Variants in COL27A1 observed in about 807,000 individuals in gnomAD.
The protein encoded by COL27A1 is collagen type XXVII alpha 1 chain, also known as collagen alpha-1(XXVII) chain.
In COL27A1, 106 loss-of-function variants were observed where a neutral mutation model predicts 251.3. The observed-to-expected ratio is 0.42, with a 90% CI of 0.36 to 0.50. COL27A1 has a LOEUF of 0.50. Among genes scored for constraint, COL27A1 ranks in the 20% least tolerant of loss-of-function variants. The pLI, the probability that COL27A1 is intolerant of heterozygous loss-of-function variation, is 0.00. For synonymous variants in COL27A1, 1,000 were observed against 986.3 expected (o/e 1.01, Z -0.26); for missense variants, 2,325 against 2,522.8 (o/e 0.92, Z 1.68).
intron 5 of COL27A1, among the ~76,000 whole-genome samples, chr9:114,189,435 G>A (rs1028334040): frequency 1.3e-5 from 2 of 151,984 alleles, no homozygotes; most frequent in Non-Finnish European, 2.9e-5. Flanking sequence ...TTTATTCTGT[G>A]TATCCTCCTT....
At chr9:114,194,266 C>A (rs1166146612) in intron 5 of COL27A1, 138 bp from the exon 6 acceptor site, 2 of 804,350 alleles carry the variant, frequency 2.5e-6, no homozygotes, top group Non-Finnish European at 4.4e-6. Flanking sequence ...TTGGAGAAGA[C>A]CCTCTGGAGG....
intron 57 of COL27A1, chr9:114,306,220 A>ACGAGTTAGAGG: frequency 3.9e-6 from 1 of 255,708 alleles, no homozygotes; most frequent in Non-Finnish European, 7.5e-6. Context: ...GCCGCTGCCG[A>ACGAGTTAGAGG]GTGTCCCACG....
intron 5 of COL27A1, among the ~76,000 whole-genome samples, chr9:114,191,609 T>C (rs1042761337): frequency 2.6e-5 from 4 of 152,360 alleles, no homozygotes; most frequent in Non-Finnish European, 5.9e-5. Flanking sequence ...TTCCTTTTTA[T>C]GGCTGCATAG....
chr9:114,224,648 C>CTTT (rs5900075), intron 14 of COL27A1, among the ~76,000 whole-genome samples: 1,916 of 97,146 alleles, frequency 0.02, 76 homozygotes, highest in African/African-American at 0.035. Context: ...CCTCCTGGTT[C>CTTT]TTTTTTTTTT....
intron 3 of COL27A1, among the ~76,000 whole-genome samples, chr9:114,174,275 A>ATCAGAG (rs1849533446): frequency 6.6e-6 from 1 of 151,902 alleles, no homozygotes; most frequent in African/African-American, 2.4e-5. Flanking sequence ...AGGGGTGGAC[A>ATCAGAG]GCATCAAGGG....
chr9:114,235,034 G>A, intron 16 of COL27A1, among the ~76,000 whole-genome samples: 1 of 136,448 alleles, frequency 7.3e-6, no homozygotes, highest in Non-Finnish European at 1.5e-5. Context: ...AGCCAAGATT[G>A]CACCACTGCT....
In COL27A1 at chr9:114,168,217, T is replaced by G. The variant is rs1404385578; in HGVS notation, c.662T>G (p.Val221Gly). Residue 221 changes from valine (V) to glycine (G), a missense_variant, in exon 3 of 61, where the codon GTG becomes GGG. By Grantham distance (109) the Val-to-Gly change is moderately radical. Transcript: ENST00000356083. ...CTCTGCCAGTTCAGTATCTACCCTG[T>G]GACGCAGGTCGCTCACAATTACTGT... ...GALCQFSIYP[V>G]TQVAHNYCTH... 5.0e-6 allele frequency: 8 copies of G among 1,613,896 alleles called. No homozygotes were observed. Among genetic ancestry groups the G allele is most frequent in the Non-Finnish European group, 5.9e-6 (7 of 1,180,032 alleles).
chr9:114,261,725 C>T (rs1393040585), intron 28 of COL27A1, among the ~76,000 whole-genome samples: 3 of 152,066 alleles, frequency 2.0e-5, no homozygotes, highest in African/African-American at 7.2e-5. Flanking sequence ...ACGGGGAGCT[C>T]ACTCCATTTC....
chr9:114,189,230 A>G (rs1308551191), intron 5 of COL27A1, among the ~76,000 whole-genome samples: 1 of 152,174 alleles, frequency 6.6e-6, no homozygotes, highest in Admixed American at 6.5e-5. Context: ...TCTGGAATTC[A>G]TGTTAATGGG....
At chr9:114,193,431 G>A (rs11792481) in intron 5 of COL27A1, among the ~76,000 whole-genome samples, 11,417 of 152,090 alleles carry the variant, frequency 0.075, 577 homozygotes, top group South Asian at 0.14. Flanking sequence ...GCCTCTGATG[G>A]GGGACTCACT....
chr9:114,205,416 C>T (rs1270589587), intron 8 of COL27A1, among the ~76,000 whole-genome samples: 3 of 152,242 alleles, frequency 2.0e-5, no homozygotes, highest in Non-Finnish European at 2.9e-5. Flanking sequence ...TGGCCTGTTC[C>T]GGGCGATGTT....
At chr9:114,181,736 T>C (rs1827938507) in intron 4 of COL27A1, among the ~76,000 whole-genome samples, 2 of 152,288 alleles carry the variant, frequency 1.3e-5, no homozygotes, top group South Asian at 4.2e-4. Flanking sequence ...GACCCAGCTG[T>C]TATCGGGGAA....
chr9:114,257,451 A>G (rs1387378752), intron 27 of COL27A1, among the ~76,000 whole-genome samples: 1 of 151,964 alleles, frequency 6.6e-6, no homozygotes, highest in African/African-American at 2.4e-5. Flanking sequence ...TGCCCTCTTC[A>G]GTTCATGTGC....
At chr9:114,246,802 G>A (rs893486078) in intron 24 of COL27A1, among the ~76,000 whole-genome samples, 50 of 152,046 alleles carry the variant, frequency 3.3e-4, no homozygotes, top group African/African-American at 1.1e-3. Flanking sequence ...AGTGTCATTC[G>A]AGCGCATTCT....
At chr9:114,165,416 A>T (rs1323879905) in intron 2 of COL27A1, among the ~76,000 whole-genome samples, 1 of 150,246 alleles carries the variant, frequency 6.7e-6, no homozygotes, top group Non-Finnish European at 1.5e-5. Context: ...CTGCCCTTTC[A>T]TCCACCCATC....
Position 114,269,307 on chromosome 9 carries a change from A to C in COL27A1, c.3555+13A>C. On this transcript the variant is annotated intron_variant, in intron 35 of 60. Coordinates refer to ENST00000356083, the MANE Select transcript of COL27A1 (RefSeq NM_032888.4). Reference sequence around the variant, plus strand: ...CATTGGGCAACGGGTAAGTTGAAGCAATTTATTCTTCCTGAAAGCCCCCAG... The same window carrying C: ...CATTGGGCAACGGGTAAGTTGAAGCCATTTATTCTTCCTGAAAGCCCCCAG... 6.2e-7 allele frequency: 1 copy of C among 1,604,016 alleles called. No individual in the cohort carries two copies. The highest frequency in any genetic ancestry group is 8.5e-7 in the Non-Finnish European group (1 of 1,174,012).
At chr9:114,237,080 C>A (rs368282793) in intron 18 of COL27A1, 46 bp downstream of exon 18, 1 of 1,526,208 alleles carries the variant, frequency 6.6e-7, no homozygotes, top group Non-Finnish European at 8.8e-7. Flanking sequence ...CACTCTCCAA[C>A]TGATCGTGTA....
At chr9:114,291,588 A>G (rs1398889965) in intron 48 of COL27A1, among the ~76,000 whole-genome samples, 2 of 152,130 alleles carry the variant, frequency 1.3e-5, no homozygotes, top group Non-Finnish European at 2.9e-5. Flanking sequence ...GTCTCTACTA[A>G]AAATACAAAA....
At chr9:114,227,637 T>C (rs895833556) in intron 14 of COL27A1, among the ~76,000 whole-genome samples, 6 of 151,842 alleles carry the variant, frequency 4.0e-5, no homozygotes, top group African/African-American at 1.4e-4. Flanking sequence ...TCAAAGTGGA[T>C]AGCGTGCATC....
Sources: gnomAD v4.1 joint callset for allele counts (sites outside exome capture counted in the v4.1 genomes callset) on GRCh38, gnomAD v4.1.1 for gene constraint, MANE v1.5 for transcripts, NCBI Gene and HGNC (gene_info 2026-07-23, HGNC 2026-07-21) for gene names.